Variants in AGK observed in about 807,000 individuals in gnomAD.
AGK encodes acylglycerol kinase, mitochondrial.
A neutral mutation model predicts 66.4 loss-of-function variants in AGK; 52 were observed. That is an observed-to-expected ratio of 0.78 (90% confidence interval 0.63 to 0.99). The LOEUF is 0.99. AGK is among the 50% of genes least tolerant of loss of function. The pLI is 0.00. For synonymous variants in AGK, 182 were observed against 181.1 expected, an observed-to-expected ratio of 1.00 and a Z score of -0.04; for missense variants, 451 against 506.6, an observed-to-expected ratio of 0.89 and a Z score of 1.05.
intron 2 of AGK, among the ~76,000 whole-genome samples, chr7:141,591,993 T>G (rs561635352): frequency 1.3e-5 from 2 of 152,330 alleles, no homozygotes; most frequent in African/African-American, 4.8e-5. Context: ...CATTTATGAT[T>G]TATTGTCTGA....
chr7:141,652,650 TAAAAGAA>T, intron 15 of AGK, 130 bp from the exon 16 acceptor site: 1 of 898,254 alleles, frequency 1.1e-6, no homozygotes, highest in Non-Finnish European at 1.7e-6. Flanking sequence ...TTTTTTTTTG[TAAAAGAA>T]CATTAGGATA....
chr7:141,649,407 A>C, intron 14 of AGK, 74 bp downstream of exon 14: 1 of 1,089,010 alleles, frequency 9.2e-7, no homozygotes, highest in Non-Finnish European at 1.4e-6. Flanking sequence ...TGCCCCATGA[A>C]GTCTAAGACA....
At position 141,652,114 on chromosome 7, in the gene AGK, TGTC is replaced by T. The variant is rs1797574171; in HGVS notation, c.1131+506_1131+508del. 3.9e-5 allele frequency among the ~76,000 whole-genome samples: 6 copies of T among 152,234 alleles called. No homozygotes were observed. The South Asian group carries it at 1.2e-3, about 32-fold the overall frequency. The stretch of plus-strand genomic sequence containing the variant: ...ATCTGGAATTGGGAGGTTATTCAAT[TGTC>T]AATACGGAAAAAAAGGAGGCTCTTC... On this transcript the variant is annotated intron_variant, in intron 15 of 15. Transcript: ENST00000649286.
intron 9 of AGK, among the ~76,000 whole-genome samples, chr7:141,633,140 C>A (rs12703399): frequency 0.031 from 4,680 of 152,238 alleles, 115 homozygotes; most frequent in South Asian, 0.14. Flanking sequence ...CGGTAGCTCT[C>A]TTTAGAGTGT....
intron 9 of AGK, 139 bp downstream of exon 9, chr7:141,621,940 C>A: frequency 4.9e-6 from 3 of 614,458 alleles, no homozygotes; most frequent in Non-Finnish European, 5.7e-6. Flanking sequence ...AAGTATTAGT[C>A]CCCAGAGGAA....
At position 141,625,925 on chromosome 7, in the gene AGK, T is replaced by C. The variant is rs981388967; in HGVS notation, c.588+4124T>C. Among the ~76,000 whole-genome samples the C allele has an allele frequency of 3.9e-5, 6 of 152,316 alleles. No homozygotes were observed. The East Asian group carries it at 5.8e-4, about 15-fold the overall frequency. The stretch of plus-strand genomic sequence containing the variant: ...TACTTTCCTGCATGCTAGGTGGGAA[T>C]AGAATTTCCCATTTTTCTTATTGTG... On this transcript the variant is annotated intron_variant, in intron 9 of 15. Coordinates refer to ENST00000649286, the MANE Select transcript of AGK (RefSeq NM_018238.4).
At chr7:141,561,196 A>G (rs1795342993) in intron 2 of AGK, among the ~76,000 whole-genome samples, 1 of 152,128 alleles carries the variant, frequency 6.6e-6, no homozygotes. Context: ...TTGGTTCCAT[A>G]TTTCTGCAAT....
chr7:141,637,048 T>A lies in AGK; in HGVS notation c.726+31T>A, dbSNP rs766607510. 6.9e-6 allele frequency: 11 copies of A among 1,584,564 alleles called. No homozygotes were observed. In the South Asian group the frequency reaches 1.2e-4, roughly 18 times the overall value. On this transcript the variant is annotated intron_variant, in intron 11 of 15. Coordinates refer to ENST00000649286, the MANE Select transcript of AGK (RefSeq NM_018238.4). The stretch of plus-strand genomic sequence containing the variant: ...TGTGATTTACAGTGTAGAAATTTGC[T>A]GTGTTATTTTGTTGTTTCTCTGTAA...
At position 141,555,656 on chromosome 7, in the gene AGK, T is replaced by C; in HGVS notation, c.101+89T>C. Reference sequence around the variant, plus strand: ...GGTTAAAATCTTGCTCAGCTGTGCTTATCCCTATAAAACATGTGGTGTAAA... The same window carrying C: ...GGTTAAAATCTTGCTCAGCTGTGCTCATCCCTATAAAACATGTGGTGTAAA... On this transcript the variant is annotated intron_variant, in intron 2 of 15. Coordinates refer to ENST00000649286, the MANE Select transcript of AGK (RefSeq NM_018238.4). The surrounding 1 kb of genome is among the most constrained non-coding windows in gnomAD (Gnocchi z 4.2). 1.1e-6 allele frequency: 1 copy of C among 925,198 alleles called. No homozygotes were observed. The highest frequency in any genetic ancestry group is 1.7e-6 in the Non-Finnish European group (1 of 594,702). 57.3% of individuals were successfully genotyped at this position (925,198 alleles called of 1,614,324 possible).
intron 5 of AGK, among the ~76,000 whole-genome samples, chr7:141,603,447 A>G (rs1796384396): frequency 6.6e-6 from 1 of 152,158 alleles, no homozygotes. Flanking sequence ...TTGGTAATTT[A>G]TACTAGCTTG....
chr7:141,593,179 A>T lies in AGK; in HGVS notation c.135A>T (p.Glu45Asp). Reference sequence around the variant, plus strand: ...TCCTAAGGAGAGCAGCCTGTCAAGAAGCTCAGGTAATACTACTTAATGTGA... The same window carrying T: ...TCCTAAGGAGAGCAGCCTGTCAAGATGCTCAGGTAATACTACTTAATGTGA... ...DNLLRRAACQ[E>D]AQVFGNQLIP... Residue 45 changes from glutamate (E) to aspartate (D), a missense_variant, in exon 3 of 16, where the codon GAA (glutamate) becomes GAT (aspartate). Physicochemically the swap from Glu to Asp is conservative, Grantham distance 45. Coordinates refer to ENST00000649286, the MANE Select transcript of AGK (RefSeq NM_018238.4). 1 of 1,612,314 alleles carries T rather than the reference A, an allele frequency of 6.2e-7. No homozygotes were observed. Among genetic ancestry groups the T allele is most frequent in the South Asian group, 1.1e-5 (1 of 91,010 alleles).
intron 2 of AGK, among the ~76,000 whole-genome samples, chr7:141,578,808 C>G (rs1486905309): frequency 2.6e-5 from 4 of 151,642 alleles, no homozygotes; most frequent in East Asian, 1.9e-4. Flanking sequence ...TATTAAAGGA[C>G]TAAGAATTGG....
intron 5 of AGK, among the ~76,000 whole-genome samples, chr7:141,609,299 T>A (rs1458502512): frequency 6.6e-6 from 1 of 152,186 alleles, no homozygotes; most frequent in Non-Finnish European, 1.5e-5. Flanking sequence ...CACAAGACTG[T>A]CCACACTTCA....
chr7:141,629,907 T>C (rs1797020693), intron 9 of AGK, among the ~76,000 whole-genome samples: 2 of 152,192 alleles, frequency 1.3e-5, no homozygotes, highest in South Asian at 2.1e-4. Context: ...ATATGAATTA[T>C]ACAAAAATGT....
At chr7:141,610,249 G>T (rs964339011) in intron 5 of AGK, among the ~76,000 whole-genome samples, 3 of 152,108 alleles carry the variant, frequency 2.0e-5, no homozygotes, top group Non-Finnish European at 4.4e-5. Flanking sequence ...TTACAGGCGT[G>T]AGCCACCGCA....
At chr7:141,559,871 T>G (rs1045791634) in intron 2 of AGK, among the ~76,000 whole-genome samples, 3 of 152,232 alleles carry the variant, frequency 2.0e-5, no homozygotes, top group African/African-American at 7.2e-5. Flanking sequence ...GTGTTCTTAA[T>G]TTCCTTTTCA....
intron 9 of AGK, among the ~76,000 whole-genome samples, chr7:141,626,188 C>G (rs929883757): frequency 6.6e-6 from 1 of 152,106 alleles, no homozygotes; most frequent in Non-Finnish European, 1.5e-5. Flanking sequence ...AAAGATGTAG[C>G]CTGCAGGTGT....
At chr7:141,577,079 C>T (rs1795759145) in intron 2 of AGK, among the ~76,000 whole-genome samples, 1 of 151,926 alleles carries the variant, frequency 6.6e-6, no homozygotes, top group Non-Finnish European at 1.5e-5. Flanking sequence ...AAAGGTCTCC[C>T]CAGCCCCCTC....
intron 14 of AGK, among the ~76,000 whole-genome samples, chr7:141,649,607 C>T (rs1797505879): frequency 6.6e-6 from 1 of 152,200 alleles, no homozygotes; most frequent in Non-Finnish European, 1.5e-5. Context: ...GCGTCAAGAA[C>T]TTTGGTTTCA....
Sources: allele counts gnomAD v4.1 joint callset (sites outside exome capture counted in the v4.1 genomes callset), GRCh38; gene constraint gnomAD v4.1.1; non-coding constraint Gnocchi (gnomAD v3.1); transcripts MANE v1.5; gene names NCBI Gene and HGNC (gene_info 2026-07-23, HGNC 2026-07-21).